GPBP1L1: variants seen among roughly 807,000 people sequenced by gnomAD.
GPBP1L1 encodes vasculin-like protein 1.
GPBP1L1 carries 23 observed loss-of-function variants against 52.5 expected under a neutral mutation model. That is an observed-to-expected ratio of 0.44 (90% CI 0.32 to 0.62). GPBP1L1 has a LOEUF of 0.62. GPBP1L1 is among the 20% of genes least tolerant of loss of function. GPBP1L1 has a pLI of 0.06. For synonymous variants in GPBP1L1, 243 were observed against 203.1 expected (o/e 1.20, Z -1.67); for missense variants, 596 against 579.3 (o/e 1.03, Z -0.30).
chr1:45,674,382 T>G (rs1256609906), intron 2 of GPBP1L1, among the ~76,000 whole-genome samples: 1 of 152,214 alleles, frequency 6.6e-6, no homozygotes, highest in Non-Finnish European at 1.5e-5. Context: ...TAAAAAAAAG[T>G]TAACAATCTT....
At chr1:45,636,984 G>T (rs899691865) in intron 8 of GPBP1L1, among the ~76,000 whole-genome samples, 1 of 152,154 alleles carries the variant, frequency 6.6e-6, no homozygotes, top group African/African-American at 2.4e-5. Context: ...AGGATTAAAA[G>T]AGTAAATGCT....
chr1:45,651,284 C>T, intron 6 of GPBP1L1: 2 of 395,360 alleles, frequency 5.1e-6, no homozygotes, highest in South Asian at 4.0e-5. Context: ...CTTGATAATG[C>T]AGTAAGGGAC....
At chr1:45,635,349 T>C (rs74323373) in intron 8 of GPBP1L1, 16 of 152,292 alleles carry the variant, frequency 1.1e-4, no homozygotes, top group African/African-American at 3.9e-4. Flanking sequence ...TTTTCTTGCA[T>C]TGATAAAAAT....
intron 8 of GPBP1L1, among the ~76,000 whole-genome samples, chr1:45,636,065 T>A (rs1644590175): frequency 6.6e-6 from 1 of 152,224 alleles, no homozygotes. Flanking sequence ...TTCCCTGCAA[T>A]ACTCACCTCT....
intron 2 of GPBP1L1, among the ~76,000 whole-genome samples, chr1:45,681,695 T>C (rs1003537369): frequency 3.3e-5 from 5 of 152,246 alleles, no homozygotes; most frequent in Admixed American, 6.5e-5. Context: ...ATATTATTTA[T>C]TACAACAACC....
intron 2 of GPBP1L1, among the ~76,000 whole-genome samples, chr1:45,681,555 G>C (rs768951356): frequency 7.2e-5 from 11 of 152,166 alleles, no homozygotes; most frequent in Non-Finnish European, 1.3e-4. Context: ...ACACCCCTCC[G>C]TGTGCAACTC....
At chr1:45,643,339 C>G (rs1441277491) in intron 6 of GPBP1L1, among the ~76,000 whole-genome samples, 6 of 152,056 alleles carry the variant, frequency 3.9e-5, no homozygotes, top group African/African-American at 1.2e-4. Flanking sequence ...TGGAGGATTT[C>G]TTAGGGGAGA....
In GPBP1L1 at chr1:45,627,756, A is replaced by C. The variant is rs1644474665; in HGVS notation, c.*500T>G. 1.3e-5 allele frequency: 2 copies of C among 152,570 alleles called. No individual in the cohort carries two copies. Among genetic ancestry groups the C allele is most frequent in the South Asian group, 2.1e-4 (1 of 4,834 alleles). 9.5% of individuals were successfully genotyped at this position (152,570 alleles called of 1,614,324 possible). ...AAAACAAAAAAAAACAACCAAAAAA[A>C]CCCACATATGCTTGGTTAAGGGCTA... On this transcript the variant is annotated 3_prime_UTR_variant, in exon 13 of 13. Transcript: ENST00000355105.
chr1:45,631,254 A>G (rs1426231974), intron 10 of GPBP1L1, among the ~76,000 whole-genome samples: 8 of 151,136 alleles, frequency 5.3e-5, no homozygotes, highest in Admixed American at 1.3e-4. Context: ...TTATTTATTT[A>G]TTTGTTTATT....
chr1:45,635,416 G>C (rs1644581531), intron 8 of GPBP1L1: 1 of 152,128 alleles, frequency 6.6e-6, no homozygotes, highest in Non-Finnish European at 1.5e-5. Flanking sequence ...GGCTTCCCCT[G>C]AGTTGTAGTC....
rs569410180 is a variant in GPBP1L1 at position 45,632,538 on chromosome 1, A to T, written c.1044+951T>A. Among the ~76,000 whole-genome samples the T allele has an allele frequency of 2.0e-5, 3 of 152,284 alleles. No homozygotes were observed. In the South Asian group the frequency reaches 6.2e-4, roughly 32 times the overall value. On this transcript the variant is annotated intron_variant, in intron 10 of 12. Transcript: ENST00000355105. ...CAAGACCAGCCTGGCCAACATGACG[A>T]AACTCCATCTCTACTAAGAATACAA...
In GPBP1L1 at chr1:45,630,517, C is replaced by G; in HGVS notation, c.1134G>C (p.Gly378=). The change falls in exon 11 of 13, where the codon GGG becomes GGC. Residue 378 remains glycine (G), a synonymous_variant. Transcript: ENST00000355105. ...NGLALPVVEE[G]EVLSHSLEAE... ...CTTCTAGAGAGTGTGAGAGAACCTCCCCTTCTTCCACTACAGGGAGGGCAA... is the reference window on the plus strand; with the variant it reads ...CTTCTAGAGAGTGTGAGAGAACCTCGCCTTCTTCCACTACAGGGAGGGCAA... 1 of 1,613,942 alleles carries G rather than the reference C, an allele frequency of 6.2e-7. No homozygotes were observed. The highest frequency in any genetic ancestry group is 8.5e-7 in the Non-Finnish European group (1 of 1,179,854).
At chr1:45,684,258 C>CAAAAAAAAAAA (rs60624036) in intron 2 of GPBP1L1, among the ~76,000 whole-genome samples, 3 of 88,456 alleles carry the variant, frequency 3.4e-5, no homozygotes, top group Admixed American at 1.5e-4. Context: ...AACTCCGTCT[C>CAAAAAAAAAAA]AAAAAAAAAA....
In GPBP1L1 at chr1:45,628,316, A is replaced by AG; in HGVS notation, c.1364_1365insC (p.Glu456Ter). 1 of 1,614,214 alleles carries AG rather than the reference A, an allele frequency of 6.2e-7. No homozygotes were observed. Among genetic ancestry groups the AG allele is most frequent in the Non-Finnish European group, 8.5e-7 (1 of 1,180,034 alleles). ...TACTGGTTTCGGTGTCTGAGTCCTC[A>AG]AACTCTGCTTTGCAAGTGCTTCTCC... On this transcript the variant is annotated frameshift_variant, in exon 13 of 13. Coordinates refer to ENST00000355105, the MANE Select transcript of GPBP1L1 (RefSeq NM_021639.5). LOFTEE classifies it high-confidence loss of function.
chr1:45,645,726 G>C (rs1040153853), intron 6 of GPBP1L1: 2 of 334,610 alleles, frequency 6.0e-6, no homozygotes, highest in Admixed American at 4.7e-5. Flanking sequence ...TTCTTCAGTA[G>C]TTCTCAGGAA....
At chr1:45,672,405 C>T (rs191348318) in intron 2 of GPBP1L1, among the ~76,000 whole-genome samples, 1 of 151,662 alleles carries the variant, frequency 6.6e-6, no homozygotes, top group Admixed American at 6.6e-5. Flanking sequence ...GATGCTATTG[C>T]ATTATTTCCT....
intron 6 of GPBP1L1, among the ~76,000 whole-genome samples, chr1:45,646,377 T>C (rs936038268): frequency 2.0e-5 from 3 of 152,252 alleles, no homozygotes; most frequent in Non-Finnish European, 4.4e-5. Flanking sequence ...TCACAGTCTA[T>C]CTGGTTTTCT....
At chr1:45,636,628 T>C (rs1005232692) in intron 8 of GPBP1L1, among the ~76,000 whole-genome samples, 4 of 152,232 alleles carry the variant, frequency 2.6e-5, no homozygotes, top group Non-Finnish European at 5.9e-5. Context: ...TGCTTTCTAA[T>C]GAACTACTGT....
intron 3 of GPBP1L1, 109 bp downstream of exon 3, chr1:45,660,075 A>ACC: frequency 1.7e-6 from 1 of 585,864 alleles, no homozygotes; most frequent in Non-Finnish European, 2.2e-6. Flanking sequence ...TCTTCAAACC[A>ACC]CCCCACTGAT....
Sources: gnomAD v4.1 joint callset for allele counts (sites outside exome capture counted in the v4.1 genomes callset) on GRCh38, gnomAD v4.1.1 for gene constraint, MANE v1.5 for transcripts, NCBI Gene and HGNC (gene_info 2026-07-23, HGNC 2026-07-21) for gene names.